ITPR1: variants seen among roughly 807,000 people sequenced by gnomAD.
ITPR1 encodes the protein inositol 1,4,5-trisphosphate-gated calcium channel ITPR1.
Under a neutral mutation model 318.4 loss-of-function variants are expected in ITPR1, and 96 were observed. The observed-to-expected ratio is 0.30, with a 90% CI of 0.26 to 0.36. The LOEUF (loss-of-function observed/expected upper bound fraction) is 0.36. Ranked by LOEUF, ITPR1 falls within the 10% of genes least tolerant of loss-of-function variation. The pLI is 1.00. For missense variants in ITPR1, 2,440 were observed against 3,460.2 expected, an observed-to-expected ratio of 0.71 and a Z score of 7.40; for synonymous variants, 1,312 against 1,289.9, an observed-to-expected ratio of 1.02 and a Z score of -0.37.
intron 4 of ITPR1, among the ~76,000 whole-genome samples, chr3:4,522,693 G>A (rs184284928): frequency 2.3e-3 from 351 of 152,252 alleles, no homozygotes; most frequent in Non-Finnish European, 4.1e-3. Flanking sequence ...TTCGTCCAAC[G>A]ATCATAATTC....
chr3:4,602,702 C>G (rs1016296953), intron 4 of ITPR1, among the ~76,000 whole-genome samples: 1 of 152,008 alleles, frequency 6.6e-6, no homozygotes, highest in African/African-American at 2.4e-5. Context: ...GTGCCAGTAC[C>G]TGCTACAACA....
intron 6 of ITPR1, among the ~76,000 whole-genome samples, chr3:4,640,528 C>G (rs936010574): frequency 2.6e-5 from 4 of 152,176 alleles, no homozygotes; most frequent in African/African-American, 9.7e-5. Flanking sequence ...GGCCAGTGCC[C>G]TGAAATTCAG....
At position 4,653,799 on chromosome 3, in the gene ITPR1, A is replaced by C. The variant is rs774620346; in HGVS notation, c.952-43A>C. Reference sequence around the variant, plus strand: ...TGCAAGTGGGGCCCAGTCCTTAAGAAAGCAATGGATGTTTTAATTTCCTAA... The same window carrying C: ...TGCAAGTGGGGCCCAGTCCTTAAGACAGCAATGGATGTTTTAATTTCCTAA... On this transcript the variant is annotated intron_variant, in intron 11 of 61. Transcript: ENST00000649015. 16 of 1,493,864 alleles carry C rather than the reference A, an allele frequency of 1.1e-5. 1 individual carries two copies. The South Asian group carries it at 1.9e-4, about 18-fold the overall frequency. 92.5% of individuals were successfully genotyped at this position (1,493,864 alleles called of 1,614,324 possible).
At chr3:4,675,491 T>A (rs1314030882) in intron 23 of ITPR1, among the ~76,000 whole-genome samples, 1 of 152,234 alleles carries the variant, frequency 6.6e-6, no homozygotes, top group Non-Finnish European at 1.5e-5. Context: ...TTTGTATTTA[T>A]GTGTATTTAT....
At chr3:4,625,009 TG>T (rs1463068027) in intron 4 of ITPR1, among the ~76,000 whole-genome samples, 1 of 152,236 alleles carries the variant, frequency 6.6e-6, no homozygotes, top group African/African-American at 2.4e-5. Flanking sequence ...TCTTTTAAAC[TG>T]GTCTCCTGCT....
intron 60 of ITPR1, among the ~76,000 whole-genome samples, chr3:4,835,046 A>G (rs906322054): frequency 3.3e-5 from 5 of 152,166 alleles, no homozygotes; most frequent in African/African-American, 9.7e-5. Flanking sequence ...AATGTCTACT[A>G]TGCTCTAGTC....
rs1205694611 is a variant in ITPR1, at chr3:4,681,592, G to GGA, written c.3161+184_3161+185dup. On this transcript the variant is annotated intron_variant, in intron 26 of 61. Transcript: ENST00000649015. ...GTTAACTTGGTTGGCTTGATTGGGAGGAGAGAGAGAGTGAGAGAGAGAGAG... is the reference window on the plus strand; with the variant it reads ...GTTAACTTGGTTGGCTTGATTGGGAGGAGAGAGAGAGAGTGAGAGAGAGAGAG... 2.1e-5 allele frequency among the ~76,000 whole-genome samples: 3 copies of GGA among 141,832 alleles called. No individual in the cohort carries two copies. The Admixed American group carries it at 2.2e-4, about 10-fold the overall frequency. The allele number at this position is 141,832 out of a possible 152,430, so 93.0% of individuals were successfully genotyped here.
intron 31 of ITPR1, among the ~76,000 whole-genome samples, chr3:4,689,779 C>A (rs530824665): frequency 1.3e-5 from 2 of 152,164 alleles, no homozygotes; most frequent in Non-Finnish European, 2.9e-5. Context: ...AATTTTCTTA[C>A]AAGGCATGCA....
Position 4,781,099 on chromosome 3 carries a change from G to A in ITPR1, c.6387+1454G>A, listed in dbSNP as rs79709890. On this transcript the variant is annotated intron_variant, in intron 49 of 61. Transcript: ENST00000649015. ...ATCGCATGTAACATGTTGTCTGCTCGATTTAGTATTTGAGAGAATTGGCAG... is the reference window on the plus strand; with the variant it reads ...ATCGCATGTAACATGTTGTCTGCTCAATTTAGTATTTGAGAGAATTGGCAG... 4.7e-3 allele frequency among the ~76,000 whole-genome samples: 716 copies of A among 152,314 alleles called. 1 individual carries two copies. Among genetic ancestry groups the A allele is most frequent in the Non-Finnish European group, 6.2e-3 (424 of 68,026 alleles).
intron 24 of ITPR1, among the ~76,000 whole-genome samples, chr3:4,679,857 C>G (rs2094261980): frequency 6.6e-6 from 1 of 152,172 alleles, no homozygotes; most frequent in South Asian, 2.1e-4. Flanking sequence ...AGACCTATCT[C>G]CCTCTGGAAG....
chr3:4,773,145 C>T (rs1040018153), intron 46 of ITPR1, among the ~76,000 whole-genome samples: 2 of 152,180 alleles, frequency 1.3e-5, no homozygotes, highest in African/African-American at 2.4e-5. Context: ...AGGCGACTTG[C>T]GATGCTCCCA....
chr3:4,542,249 C>A (rs1460579239), intron 4 of ITPR1, among the ~76,000 whole-genome samples: 1 of 152,034 alleles, frequency 6.6e-6, no homozygotes, highest in African/African-American at 2.4e-5. Context: ...TCTACATTGG[C>A]TGTTTCTGAA....
intron 4 of ITPR1, among the ~76,000 whole-genome samples, chr3:4,529,101 GGT>G: frequency 6.6e-6 from 1 of 152,142 alleles, no homozygotes; most frequent in African/African-American, 2.4e-5. Context: ...GAAGGCTCTG[GGT>G]ACCCTGAAAA....
At chr3:4,804,399 C>T (rs1474871848) in intron 54 of ITPR1, among the ~76,000 whole-genome samples, 2 of 152,096 alleles carry the variant, frequency 1.3e-5, no homozygotes, top group Non-Finnish European at 2.9e-5. Context: ...CTGCTGGGTG[C>T]GCAGAATCCT....
At chr3:4,641,102 A>C (rs2093327131) in intron 6 of ITPR1, among the ~76,000 whole-genome samples, 1 of 152,230 alleles carries the variant, frequency 6.6e-6, no homozygotes, top group Non-Finnish European at 1.5e-5. Flanking sequence ...AATCGCAATT[A>C]GCAATGGAGT....
intron 4 of ITPR1, among the ~76,000 whole-genome samples, chr3:4,620,928 C>A (rs562243805): frequency 6.6e-6 from 1 of 152,050 alleles, no homozygotes; most frequent in Non-Finnish European, 1.5e-5. Context: ...TGCCACCCCC[C>A]ACCCTCTGAC....
At chr3:4,673,646 A>G (rs1384614327) in intron 21 of ITPR1, among the ~76,000 whole-genome samples, 1 of 152,140 alleles carries the variant, frequency 6.6e-6, no homozygotes, top group African/African-American at 2.4e-5. Flanking sequence ...GCAGTGGCGC[A>G]ATCTCGGCTC....
chr3:4,798,804 T>C (rs2048046837), intron 53 of ITPR1, among the ~76,000 whole-genome samples: 1 of 152,184 alleles, frequency 6.6e-6, no homozygotes, highest in Admixed American at 6.5e-5. Context: ...TCTTAAAAAC[T>C]TGCTCAGTGA....
chr3:4,782,950 A>T (rs1047905514), intron 50 of ITPR1, among the ~76,000 whole-genome samples: 2 of 152,202 alleles, frequency 1.3e-5, no homozygotes, highest in Admixed American at 1.3e-4. Context: ...TGATAGGGTC[A>T]TGTAGTTGGA....
Sources: gnomAD v4.1 joint callset for allele counts (sites outside exome capture counted in the v4.1 genomes callset) on GRCh38, gnomAD v4.1.1 for gene constraint, MANE v1.5 for transcripts, NCBI Gene and HGNC (gene_info 2026-07-23, HGNC 2026-07-21) for gene names.